The following CDH12 variants were observed in gnomAD, a reference collection of about 807,000 sequenced individuals.
The protein encoded by CDH12 is cadherin 12.
Under a neutral mutation model 74.1 loss-of-function variants are expected in CDH12, and 41 were observed. The ratio of observed to expected loss-of-function variants is 0.55; its 90% CI spans 0.43 to 0.72. The LOEUF (loss-of-function observed/expected upper bound fraction) is 0.72, where lower values mean the gene tolerates loss of function less well. Among genes scored for constraint, CDH12 ranks in the 30% least tolerant of loss-of-function variants. CDH12 has a pLI of 0.00. For synonymous variants in CDH12, 399 were observed against 355.0 expected (o/e 1.12, Z -1.39); for missense variants, 945 against 977.2 (o/e 0.97, Z 0.44).
At chr5:22,007,993 C>G (rs1293631745) in intron 5 of CDH12, among the ~76,000 whole-genome samples, 2 of 152,044 alleles carry the variant, frequency 1.3e-5, no homozygotes, top group Admixed American at 6.6e-5. Flanking sequence ...CACACAGGGA[C>G]AGAAAGAGAG....
intron 5 of CDH12, among the ~76,000 whole-genome samples, chr5:21,981,637 C>T (rs1167798134): frequency 1.3e-5 from 2 of 152,172 alleles, no homozygotes; most frequent in Non-Finnish European, 2.9e-5. Context: ...CAGCTTCCAT[C>T]ATCTGTATTA....
intron 4 of CDH12, among the ~76,000 whole-genome samples, chr5:22,192,870 G>A (rs534311002): frequency 1.3e-5 from 2 of 152,330 alleles, no homozygotes; most frequent in African/African-American, 4.8e-5. Flanking sequence ...GAATATTGAA[G>A]AGGAGGCTGA....
intron 1 of CDH12, among the ~76,000 whole-genome samples, chr5:22,546,069 C>T (rs769346270): frequency 2.0e-5 from 3 of 151,992 alleles, no homozygotes; most frequent in Non-Finnish European, 4.4e-5. Context: ...CTCAGCCTCC[C>T]AAGTAGCCAA....
rs146470984 is a variant in CDH12 at position 22,302,096 on chromosome 5, T to C, written c.-332-89453A>G. Among the ~76,000 whole-genome samples the C allele has an allele frequency of 8.1e-3, 1,239 of 152,246 alleles. 13 individuals are homozygous for C. Among genetic ancestry groups the C allele is most frequent in the Non-Finnish European group, 0.012 (839 of 68,018 alleles). On this transcript the variant is annotated intron_variant, in intron 3 of 14. Transcript: ENST00000382254. The stretch of plus-strand genomic sequence containing the variant: ...ACAAAAACAATTATATTTTTAGTTT[T>C]ATATATTACACATAAATATTGTGAT...
chr5:21,959,931 A>T (rs867112183), intron 6 of CDH12, among the ~76,000 whole-genome samples: 4 of 147,254 alleles, frequency 2.7e-5, no homozygotes, highest in Admixed American at 6.8e-5. Flanking sequence ...TCTCAAAAAA[A>T]AAAAAAAAAA....
chr5:21,866,529 G>A (rs539909936), intron 6 of CDH12, among the ~76,000 whole-genome samples: 6 of 152,216 alleles, frequency 3.9e-5, no homozygotes, highest in South Asian at 2.1e-4. Flanking sequence ...TATTTTTCCC[G>A]TGGCCTAGAG....
Position 22,078,650 on chromosome 5 carries a change from C to T in CDH12, c.27G>A (p.Leu9=), listed in dbSNP as rs1280106405. 1 of 1,613,642 alleles carries T rather than the reference C, an allele frequency of 6.2e-7. No homozygotes were observed. Among genetic ancestry groups the T allele is most frequent in the Admixed American group, 1.7e-5 (1 of 59,978 alleles). Residue 9 remains leucine (L), a synonymous_variant, in exon 5 of 15, where the codon CTG becomes CTA. Coordinates refer to ENST00000382254, the MANE Select transcript of CDH12 (RefSeq NM_004061.5). ...CTCCATCAAACAGAACCCAGAGAAG[C>T]AGGGATAAACAGTTCCTTGTAAGCA... The part of the protein sequence containing the change: MLTRNCLS[L]LLWVLFDGGL...
Position 22,028,111 on chromosome 5 carries a change from G to A in CDH12, c.231+50335C>T, listed in dbSNP as rs529054651. ...CAGGAGCAAGTTGTTCAGTTTCCAT[G>A]TAGTTGAGAGGTTTTGAGTGAGTTT... On this transcript the variant is annotated intron_variant, in intron 5 of 14. Coordinates refer to ENST00000382254, the MANE Select transcript of CDH12 (RefSeq NM_004061.5). Among the ~76,000 whole-genome samples, 6 of 152,170 alleles carry A rather than the reference G, an allele frequency of 3.9e-5. No homozygotes were observed. In the South Asian group the frequency reaches 1.2e-3, roughly 32 times the overall value.
rs1425545963 is a variant in CDH12 at position 22,204,917 on chromosome 5, C to T, written c.-187+7581G>A. Among the ~76,000 whole-genome samples, 3 of 152,192 alleles carry T rather than the reference C, an allele frequency of 2.0e-5. No homozygotes were observed. The East Asian group carries it at 5.8e-4, about 29-fold the overall frequency. On this transcript the variant is annotated intron_variant, in intron 4 of 14. Transcript: ENST00000382254. ...GTACATATGTTCCATGATGGCAGAC[C>T]ACAAGCATTGTGACTACTCGTTCTT...
chr5:21,805,782 A>G lies in CDH12; in HGVS notation c.1003-3362T>C, dbSNP rs1247348124. ...TTGAAATAAATATAGAATAAATAGG[A>G]TTAGTTTCAGTGCTAGAAAATAAAT... On this transcript the variant is annotated intron_variant, in intron 9 of 14. Transcript: ENST00000382254. Among the ~76,000 whole-genome samples the G allele has an allele frequency of 2.0e-5, 3 of 152,174 alleles. No homozygotes were observed. In the East Asian group the frequency reaches 5.8e-4, roughly 29 times the overall value.
intron 1 of CDH12, among the ~76,000 whole-genome samples, chr5:22,662,838 A>C (rs978975789): frequency 3.9e-5 from 6 of 152,180 alleles, no homozygotes; most frequent in Admixed American, 6.5e-5. Context: ...TGCTGACAAT[A>C]TTTACATAAT....
chr5:21,978,073 C>T (rs1423033731), intron 5 of CDH12, among the ~76,000 whole-genome samples: 1 of 152,162 alleles, frequency 6.6e-6, no homozygotes, highest in Non-Finnish European at 1.5e-5. Flanking sequence ...TTTACTTCAA[C>T]TGTAAAATAA....
chr5:21,943,337 T>TA (rs1378077211), intron 6 of CDH12, among the ~76,000 whole-genome samples: 1 of 152,228 alleles, frequency 6.6e-6, no homozygotes, highest in Admixed American at 6.5e-5. Context: ...AATTTTTACT[T>TA]ACATTTATAT....
intron 6 of CDH12, among the ~76,000 whole-genome samples, chr5:21,892,518 G>T (rs970298078): frequency 9.2e-5 from 14 of 152,030 alleles, no homozygotes; most frequent in African/African-American, 2.7e-4. Context: ...GATTGTAAAA[G>T]AAATAAGCTT....
chr5:21,933,593 G>C (rs1330772168), intron 6 of CDH12, among the ~76,000 whole-genome samples: 1 of 152,170 alleles, frequency 6.6e-6, no homozygotes, highest in Admixed American at 6.5e-5. Context: ...CTCCTGGGGG[G>C]ATCCTCTTTT....
At chr5:22,731,667 G>A (rs1448895575) in intron 1 of CDH12, among the ~76,000 whole-genome samples, 1 of 151,738 alleles carries the variant, frequency 6.6e-6, no homozygotes, top group Non-Finnish European at 1.5e-5. Flanking sequence ...TGGAAGTATA[G>A]GCAATATTGT....
At chr5:22,633,192 T>C (rs918567817) in intron 1 of CDH12, among the ~76,000 whole-genome samples, 3 of 152,124 alleles carry the variant, frequency 2.0e-5, no homozygotes, top group African/African-American at 7.2e-5. Context: ...AAAAACCATC[T>C]AATGGGAGTC....
At chr5:21,974,558 T>C (rs1389445772) in intron 6 of CDH12, among the ~76,000 whole-genome samples, 5 of 152,180 alleles carry the variant, frequency 3.3e-5, no homozygotes, top group Admixed American at 1.3e-4. Context: ...ATTCATTTGC[T>C]GCTTGGCTTG....
chr5:22,176,673 C>G (rs991209651), intron 4 of CDH12, among the ~76,000 whole-genome samples: 3 of 152,066 alleles, frequency 2.0e-5, no homozygotes, highest in African/African-American at 4.8e-5. Flanking sequence ...TAACTGCCAC[C>G]CTATCTTGTC....
Sources: allele counts gnomAD v4.1 joint callset (sites outside exome capture counted in the v4.1 genomes callset), GRCh38; gene constraint gnomAD v4.1.1; transcripts MANE v1.5; gene names NCBI Gene and HGNC (gene_info 2026-07-23, HGNC 2026-07-21).